SEZ6L: variants seen among roughly 807,000 people sequenced by gnomAD.
The protein encoded by SEZ6L is seizure related 6 homolog like, also known as seizure 6-like protein.
Under a neutral mutation model 106.2 loss-of-function variants are expected in SEZ6L, and 37 were observed. The ratio of observed to expected loss-of-function variants is 0.35; its 90% CI spans 0.27 to 0.46. The LOEUF (loss-of-function observed/expected upper bound fraction) is 0.46. Among genes scored for constraint, SEZ6L ranks in the 20% least tolerant of loss-of-function variants. The pLI is 1.00. For missense variants in SEZ6L, 1,172 were observed against 1,332.8 expected (o/e 0.88, Z 1.88); for synonymous variants, 541 against 570.4 (o/e 0.95, Z 0.73).
chr22:26,333,858 G>A, intron 9 of SEZ6L, among the ~76,000 whole-genome samples: 1 of 152,196 alleles, frequency 6.6e-6, no homozygotes, highest in East Asian at 1.9e-4. Context: ...GTGGGTAGGA[G>A]TTTCCCAGGT....
intron 8 of SEZ6L, among the ~76,000 whole-genome samples, chr22:26,312,616 T>C (rs1189634994): frequency 1.3e-5 from 2 of 152,178 alleles, no homozygotes; most frequent in African/African-American, 2.4e-5. Context: ...ATATTCTTTT[T>C]GTTGTTGAGA....
intron 13 of SEZ6L, among the ~76,000 whole-genome samples, chr22:26,370,849 A>T (rs2084007367): frequency 6.6e-6 from 1 of 151,994 alleles, no homozygotes; most frequent in Non-Finnish European, 1.5e-5. Context: ...ACAAAAAATC[A>T]AAAAATTAGC....
chr22:26,330,850 T>C (rs2082457965), intron 9 of SEZ6L, among the ~76,000 whole-genome samples: 1 of 152,254 alleles, frequency 6.6e-6, no homozygotes, highest in Non-Finnish European at 1.5e-5. Flanking sequence ...ACCATATATT[T>C]ATATATTTTT....
intron 1 of SEZ6L, among the ~76,000 whole-genome samples, chr22:26,234,739 C>T (rs1186744676): frequency 1.3e-5 from 2 of 152,200 alleles, no homozygotes; most frequent in Non-Finnish European, 2.9e-5. Context: ...CTCTAGGCAC[C>T]AGAGAAATAA....
At chr22:26,328,329 A>T (rs2082383092) in intron 9 of SEZ6L, among the ~76,000 whole-genome samples, 1 of 152,158 alleles carries the variant, frequency 6.6e-6, no homozygotes. Context: ...TAGAGGAAAA[A>T]TGCTCTTGTA....
intron 1 of SEZ6L, among the ~76,000 whole-genome samples, chr22:26,223,862 T>C (rs1482926709): frequency 6.6e-6 from 1 of 152,192 alleles, no homozygotes; most frequent in East Asian, 1.9e-4. Flanking sequence ...ATTGGAGAGT[T>C]TGGGGAATAC....
intron 9 of SEZ6L, among the ~76,000 whole-genome samples, chr22:26,314,297 A>G (rs1442053775): frequency 2.6e-5 from 4 of 152,338 alleles, no homozygotes; most frequent in East Asian, 3.9e-4. Flanking sequence ...TTCCCCGAGG[A>G]TCTGATACTA....
Position 26,292,907 on chromosome 22 carries a change from C to A in SEZ6L, c.596C>A (p.Pro199His). Residue 199 changes from proline (P) to histidine (H), a missense_variant, in exon 2 of 17, where the codon CCC (proline) becomes CAC (histidine). Physicochemically the swap from Pro to His is moderately conservative, Grantham distance 77. This residue lies in a region of SEZ6L where 494 missense variants were observed against 445.8 expected (regional missense o/e 1.11). Transcript: ENST00000248933. ...KESAVPTTPA[P>H]LQISPFTSQP... Reference sequence around the variant, plus strand: ...AGTGCGGTCCCTACAACACCCGCACCCCTGCAAATCTCCCCCTTCACTTCG... The same window carrying A: ...AGTGCGGTCCCTACAACACCCGCACACCTGCAAATCTCCCCCTTCACTTCG... 9 of 1,614,166 alleles carry A rather than the reference C, an allele frequency of 5.6e-6. No homozygotes were observed. Among genetic ancestry groups the A allele is most frequent in the African/African-American group, 1.3e-5 (1 of 75,060 alleles).
In SEZ6L at chr22:26,318,900, C is replaced by T. The variant is rs117245987; in HGVS notation, c.2015+4998C>T. ...AACAACGACAAAACAGAAACCTTGG[C>T]GTTATTCTGGCCCAGTGGAGTGCTG... On this transcript the variant is annotated intron_variant, in intron 9 of 16. Coordinates refer to ENST00000248933, the MANE Select transcript of SEZ6L (RefSeq NM_021115.5). Among the ~76,000 whole-genome samples the T allele has an allele frequency of 2.4e-3, 373 of 152,304 alleles. 9 individuals carry two copies. The East Asian group carries it at 0.059, about 24-fold the overall frequency.
At chr22:26,171,810 T>C (rs1938630132) in intron 1 of SEZ6L, among the ~76,000 whole-genome samples, 1 of 152,148 alleles carries the variant, frequency 6.6e-6, no homozygotes, top group Admixed American at 6.5e-5. Flanking sequence ...TACTGGCCAA[T>C]GAGCATTGCC....
At chr22:26,209,296 T>A (rs1941475674) in intron 1 of SEZ6L, among the ~76,000 whole-genome samples, 1 of 152,220 alleles carries the variant, frequency 6.6e-6, no homozygotes, top group Non-Finnish European at 1.5e-5. Flanking sequence ...TCTTCATATG[T>A]CAAGGTATTC....
intron 15 of SEZ6L, among the ~76,000 whole-genome samples, chr22:26,376,477 C>A (rs1011031433): frequency 1.3e-5 from 2 of 152,084 alleles, no homozygotes; most frequent in Admixed American, 6.6e-5. Flanking sequence ...CGTGGTGGCT[C>A]ACACCTGTAA....
chr22:26,212,252 A>G (rs186531428), intron 1 of SEZ6L, among the ~76,000 whole-genome samples: 335 of 152,290 alleles, frequency 2.2e-3, no homozygotes, highest in African/African-American at 7.8e-3. Flanking sequence ...TTTATCATAA[A>G]CAGAATGTAA....
chr22:26,350,861 T>A (rs2083254190), intron 11 of SEZ6L, among the ~76,000 whole-genome samples, 191 bp from the exon 12 acceptor site: 1 of 152,006 alleles, frequency 6.6e-6, no homozygotes. Flanking sequence ...TTTCACCATG[T>A]TAGCCAGGAT....
intron 10 of SEZ6L, among the ~76,000 whole-genome samples, chr22:26,347,201 T>TGAC (rs1350314807): frequency 6.8e-6 from 1 of 146,676 alleles, no homozygotes; most frequent in African/African-American, 2.7e-5. Context: ...GTAAAAATAA[T>TGAC]GATGATGATG....
At chr22:26,185,437 C>T (rs773291629) in intron 1 of SEZ6L, among the ~76,000 whole-genome samples, 8 of 152,178 alleles carry the variant, frequency 5.3e-5, no homozygotes, top group Non-Finnish European at 1.0e-4. Context: ...TTCTCCATCT[C>T]TAAATTTAGT....
At chr22:26,260,604 A>G (rs59588980) in intron 1 of SEZ6L, among the ~76,000 whole-genome samples, 12,606 of 152,198 alleles carry the variant, frequency 0.083, 933 homozygotes, top group African/African-American at 0.2. Flanking sequence ...ATATATACAT[A>G]TCACAATTTC....
chr22:26,314,032 C>T lies in SEZ6L; in HGVS notation c.2015+130C>T, dbSNP rs529696633. On this transcript the variant is annotated intron_variant, in intron 9 of 16. Transcript: ENST00000248933. ...CTATGTGCCGGGACTATGCAGAGAA[C>T]AGGCATTCCCATAGTGAGACCAAGA... 1.3e-5 allele frequency: 11 copies of T among 834,030 alleles called. No individual in the cohort carries two copies. The East Asian group carries it at 2.9e-4, about 22-fold the overall frequency. The allele number at this position is 834,030 out of a possible 1,614,324, so 51.7% of individuals were successfully genotyped here.
intron 12 of SEZ6L, among the ~76,000 whole-genome samples, chr22:26,359,798 G>A (rs531222540): frequency 6.6e-6 from 1 of 152,170 alleles, no homozygotes; most frequent in African/African-American, 2.4e-5. Context: ...ATGAGACCCT[G>A]TCTCAAAAAT....
Sources: allele counts gnomAD v4.1 joint callset (sites outside exome capture counted in the v4.1 genomes callset), GRCh38; gene constraint gnomAD v4.1.1; regional missense constraint gnomAD v4.1.1; transcripts MANE v1.5; gene names NCBI Gene and HGNC (gene_info 2026-07-23, HGNC 2026-07-21).